TESK2: variants seen among roughly 807,000 people sequenced by gnomAD.
TESK2 encodes testis associated actin remodelling kinase 2.
A neutral mutation model predicts 57.1 loss-of-function variants in TESK2; 39 were observed. The observed-to-expected ratio is 0.68, with a 90% confidence interval of 0.53 to 0.89. The LOEUF is 0.89. Ranked by LOEUF, TESK2 falls within the 40% of genes least tolerant of loss-of-function variation. The pLI is 0.00. For synonymous variants in TESK2, 249 were observed against 267.9 expected, an observed-to-expected ratio of 0.93 and a Z score of 0.69; for missense variants, 646 against 732.1, an observed-to-expected ratio of 0.88 and a Z score of 1.36.
At chr1:45,441,242 C>T (rs1046051856) in intron 2 of TESK2, among the ~76,000 whole-genome samples, 4 of 152,180 alleles carry the variant, frequency 2.6e-5, no homozygotes, top group African/African-American at 7.2e-5. Flanking sequence ...ATGATCTTGG[C>T]TCACTGCAAC....
intron 1 of TESK2, among the ~76,000 whole-genome samples, chr1:45,470,408 C>G (rs1652714580): frequency 6.6e-6 from 1 of 152,200 alleles, no homozygotes; most frequent in African/African-American, 2.4e-5. Flanking sequence ...AGCAATACTG[C>G]TGAGCTTACC....
At chr1:45,367,140 TAAATAAAATA>T (rs148841004) in intron 4 of TESK2, among the ~76,000 whole-genome samples, 14 of 151,674 alleles carry the variant, frequency 9.2e-5, no homozygotes, top group East Asian at 1.9e-4. Context: ...TCTCAAAAAA[TAAATAAAATA>T]AAATAAAATA....
At chr1:45,443,542 C>G (rs1229286987) in intron 2 of TESK2, among the ~76,000 whole-genome samples, 1 of 128,646 alleles carries the variant, frequency 7.8e-6, no homozygotes, top group Non-Finnish European at 1.6e-5. Context: ...TGTACTCCAG[C>G]CTGGGTGGCA....
intron 2 of TESK2, among the ~76,000 whole-genome samples, chr1:45,453,892 A>G (rs1411835886): frequency 6.6e-6 from 1 of 152,208 alleles, no homozygotes; most frequent in African/African-American, 2.4e-5. Flanking sequence ...AGATATACAA[A>G]AAAGGTCAAC....
intron 3 of TESK2, among the ~76,000 whole-genome samples, chr1:45,418,023 C>G (rs1650317159): frequency 1.3e-5 from 2 of 152,104 alleles, no homozygotes; most frequent in South Asian, 4.1e-4. Context: ...TTTGCTAGTT[C>G]AGTTCACAGT....
chr1:45,390,421 G>A (rs1357690051), intron 3 of TESK2, among the ~76,000 whole-genome samples: 1 of 150,852 alleles, frequency 6.6e-6, no homozygotes, highest in Non-Finnish European at 1.5e-5. Flanking sequence ...CCAAGATCAC[G>A]CCACTGCACT....
intron 3 of TESK2, among the ~76,000 whole-genome samples, chr1:45,390,541 TTAAGAA>T (rs975915705): frequency 6.6e-6 from 1 of 151,664 alleles, no homozygotes; most frequent in African/African-American, 2.4e-5. Flanking sequence ...TTACCAAACT[TTAAGAA>T]TAGGTTACAT....
intron 4 of TESK2, among the ~76,000 whole-genome samples, chr1:45,373,440 T>A (rs1648284190): frequency 6.6e-6 from 1 of 152,250 alleles, no homozygotes; most frequent in Non-Finnish European, 1.5e-5. Flanking sequence ...TATTAATTCA[T>A]TTAACAAACA....
At position 45,451,694 on chromosome 1, in the gene TESK2, G is replaced by A. The variant is rs554489487; in HGVS notation, c.222+5870C>T. ...CTAAACTGGCTCGACATTTGTGGAG[G>A]TGGTGTTTCTTTGAAGCACGAACCT... On this transcript the variant is annotated intron_variant, in intron 2 of 10. Transcript: ENST00000372086. Among the ~76,000 whole-genome samples, 5 of 152,218 alleles carry A rather than the reference G, an allele frequency of 3.3e-5. No individual in the cohort carries two copies. The South Asian group carries it at 6.2e-4, about 19-fold the overall frequency.
chr1:45,368,736 A>G (rs1648056990), intron 4 of TESK2, among the ~76,000 whole-genome samples: 1 of 150,876 alleles, frequency 6.6e-6, no homozygotes, highest in Non-Finnish European at 1.5e-5. Context: ...GAGCCACTGC[A>G]CCTGGCTGGT....
intron 2 of TESK2, among the ~76,000 whole-genome samples, chr1:45,455,853 T>TA (rs1055881235): frequency 1.3e-5 from 2 of 151,940 alleles, no homozygotes; most frequent in Non-Finnish European, 2.9e-5. Context: ...GGAGTTGTTT[T>TA]GGTCCAAAAA....
intron 3 of TESK2, among the ~76,000 whole-genome samples, chr1:45,416,618 T>A (rs899105165): frequency 2.2e-4 from 33 of 152,160 alleles, no homozygotes; most frequent in African/African-American, 7.7e-4. Flanking sequence ...TATTTTCTGT[T>A]TTTGGAAATA....
intron 1 of TESK2, among the ~76,000 whole-genome samples, chr1:45,473,471 C>T (rs1390721764): frequency 1.3e-5 from 2 of 152,170 alleles, no homozygotes; most frequent in East Asian, 1.9e-4. Context: ...AAACAACACA[C>T]ATATCAAATA....
At chr1:45,420,629 G>T (rs1650433403) in intron 3 of TESK2, among the ~76,000 whole-genome samples, 1 of 146,352 alleles carries the variant, frequency 6.8e-6, no homozygotes, top group Non-Finnish European at 1.5e-5. Context: ...GTGCAGTAGT[G>T]CAATCTCAGC....
intron 1 of TESK2, among the ~76,000 whole-genome samples, chr1:45,477,693 C>T (rs554924658): frequency 2.7e-5 from 4 of 145,648 alleles, no homozygotes; most frequent in African/African-American, 1.0e-4. Context: ...TGTAACTGTT[C>T]AGACAATACA....
rs144505812 is a variant in TESK2 at position 45,468,386 on chromosome 1, C to T, written c.-86-10515G>A. 4.7e-4 allele frequency among the ~76,000 whole-genome samples: 71 copies of T among 152,100 alleles called. No individual in the cohort carries two copies. The East Asian group carries it at 6.4e-3, about 14-fold the overall frequency. On this transcript the variant is annotated intron_variant, in intron 1 of 10. Coordinates refer to ENST00000372086, the MANE Select transcript of TESK2 (RefSeq NM_007170.3). The stretch of plus-strand genomic sequence containing the variant: ...CAAACCATGCCTTCTGCTCCCTTGG[C>T]GAGCAAACTAAATGACTATATTTTA...
chr1:45,457,866 T>C lies in TESK2; in HGVS notation c.-81A>G, dbSNP rs1379779724. ...TGTTGAATTTTACTTCTCTTCTGGT[T>C]TGACACTAAAGAGATCAAAAAAATT... On this transcript the variant is annotated 5_prime_UTR_variant, in exon 2 of 11. Transcript: ENST00000372086. The C allele has an allele frequency of 7.8e-7, 1 of 1,283,744 alleles. No homozygotes were observed. Among genetic ancestry groups the C allele is most frequent in the African/African-American group, 1.5e-5 (1 of 67,482 alleles). The allele number at this position is 1,283,744 out of a possible 1,614,324, so 79.5% of individuals were successfully genotyped here. A position where few individuals can be genotyped will look rare whatever the true frequency, so the allele number is the denominator to read the frequency against.
At chr1:45,436,632 G>A (rs1035839752) in intron 2 of TESK2, among the ~76,000 whole-genome samples, 10 of 151,064 alleles carry the variant, frequency 6.6e-5, no homozygotes, top group South Asian at 2.1e-4. Flanking sequence ...GGGATTACAG[G>A]CATGTGCCAC....
intron 1 of TESK2, among the ~76,000 whole-genome samples, chr1:45,481,762 A>T (rs1653234400): frequency 6.6e-6 from 1 of 152,236 alleles, no homozygotes; most frequent in Admixed American, 6.5e-5. Flanking sequence ...GAATGCAGAA[A>T]ATATATGTAG....
Sources: gnomAD v4.1 joint callset for allele counts (sites outside exome capture counted in the v4.1 genomes callset) on GRCh38, gnomAD v4.1.1 for gene constraint, MANE v1.5 for transcripts, NCBI Gene and HGNC (gene_info 2026-07-23, HGNC 2026-07-21) for gene names.